PTH2R: variants seen among roughly 807,000 people sequenced by gnomAD.
The protein encoded by PTH2R is PTH2 receptor.
A neutral mutation model predicts 60.3 loss-of-function variants in PTH2R; 59 were observed. The observed-to-expected ratio is 0.98, with a 90% CI of 0.79 to 1.22. PTH2R has a LOEUF of 1.22. Among genes scored for constraint, PTH2R ranks in the 50% most tolerant of loss-of-function variants. PTH2R has a pLI of 0.00. For missense variants in PTH2R, 749 were observed against 682.6 expected (o/e 1.10, Z -1.08); for synonymous variants, 256 against 243.8 (o/e 1.05, Z -0.47).
intron 7 of PTH2R, 35 bp from the exon 8 acceptor site, chr2:208,450,714 A>T (rs1263970511): frequency 6.2e-7 from 1 of 1,606,664 alleles, no homozygotes; most frequent in Non-Finnish European, 8.5e-7. Context: ...TAATCTTAAA[A>T]TAAATCTAGT....
rs150377282 is a variant in PTH2R, at chr2:208,369,243, G to A, written c.-259+9006G>A. Reference sequence around the variant, plus strand: ...CCTCATAGCCTAACAGAAGCACATTGGAAGTGAAGATGTGCAGATGCCAAC... The same window carrying A: ...CCTCATAGCCTAACAGAAGCACATTAGAAGTGAAGATGTGCAGATGCCAAC... On this transcript the variant is annotated intron_variant, in intron 1 of 12. Transcript: ENST00000617735. Among the ~76,000 whole-genome samples, 382 of 152,166 alleles carry A rather than the reference G, an allele frequency of 2.5e-3. 2 individuals are homozygous for A. The highest frequency in any genetic ancestry group is 8.8e-3 in the African/African-American group (365 of 41,448).
At chr2:208,398,743 C>T (rs567294830) in intron 1 of PTH2R, among the ~76,000 whole-genome samples, 5 of 152,122 alleles carry the variant, frequency 3.3e-5, no homozygotes, top group Non-Finnish European at 7.4e-5. Flanking sequence ...CGATTTTGTG[C>T]TGTTTGAATC....
chr2:208,454,856 T>C (rs1702478618), intron 8 of PTH2R, among the ~76,000 whole-genome samples: 1 of 152,298 alleles, frequency 6.6e-6, no homozygotes. Flanking sequence ...TACTAGATAT[T>C]TCCTTCAGGA....
At chr2:208,474,177 A>G (rs1173382142) in intron 9 of PTH2R, among the ~76,000 whole-genome samples, 2 of 152,230 alleles carry the variant, frequency 1.3e-5, no homozygotes, top group East Asian at 3.8e-4. Flanking sequence ...GGATATTGTA[A>G]TATCTACTTC....
chr2:208,412,068 TC>T (rs1701550730), intron 1 of PTH2R, among the ~76,000 whole-genome samples: 1 of 152,242 alleles, frequency 6.6e-6, no homozygotes, highest in Non-Finnish European at 1.5e-5. Flanking sequence ...CATTTTCTCT[TC>T]CTTTTATTTC....
chr2:208,398,810 A>G (rs1432903771), intron 1 of PTH2R, among the ~76,000 whole-genome samples: 1 of 152,236 alleles, frequency 6.6e-6, no homozygotes. Context: ...CTGGAATTAT[A>G]AAATTAGACT....
chr2:208,377,079 C>G (rs913635554), intron 1 of PTH2R, among the ~76,000 whole-genome samples: 1 of 151,938 alleles, frequency 6.6e-6, no homozygotes, highest in Non-Finnish European at 1.5e-5. Context: ...TGACTCTTAA[C>G]GAGTCTGCTG....
At chr2:208,386,403 T>A (rs1029956446) in intron 1 of PTH2R, among the ~76,000 whole-genome samples, 2 of 152,248 alleles carry the variant, frequency 1.3e-5, no homozygotes, top group African/African-American at 4.8e-5. Context: ...TACTGTATCT[T>A]GACTGTATCT....
intron 9 of PTH2R, among the ~76,000 whole-genome samples, chr2:208,466,001 A>G (rs759285870): frequency 6.6e-6 from 1 of 152,192 alleles, no homozygotes; most frequent in African/African-American, 2.4e-5. Context: ...GGTGTGCATT[A>G]ATACTTTGTT....
chr2:208,434,455 A>G (rs1702034137), intron 2 of PTH2R, among the ~76,000 whole-genome samples: 1 of 152,178 alleles, frequency 6.6e-6, no homozygotes, highest in South Asian at 2.1e-4. Flanking sequence ...TTTTCTAAAA[A>G]TTGGGCAGCA....
At chr2:208,438,172 T>C (rs1007450030) in intron 4 of PTH2R, among the ~76,000 whole-genome samples, 1 of 152,178 alleles carries the variant, frequency 6.6e-6, no homozygotes, top group African/African-American at 2.4e-5. Flanking sequence ...TGCTATATTA[T>C]GAATAAAAAT....
chr2:208,493,308 C>T lies in PTH2R; in HGVS notation c.1302C>T (p.Ser434=), dbSNP rs376073838. The T allele has an allele frequency of 8.3e-5, 127 of 1,534,210 alleles. No homozygotes were observed. The highest frequency in any genetic ancestry group is 9.2e-5 in the Non-Finnish European group (105 of 1,138,042). Residue 434 remains serine (S), a synonymous_variant, in exon 13 of 13, where the codon TCC becomes TCT. Transcript: ENST00000272847. The part of the protein sequence containing the change: ...VKKMWSRWNL[S]VDWKRTPPCG... Reference sequence around the variant, plus strand: ...AGATGTGGAGTCGGTGGAACCTCTCCGTGGACTGGAAAAGGACACCGCCAT... The same window carrying T: ...AGATGTGGAGTCGGTGGAACCTCTCTGTGGACTGGAAAAGGACACCGCCAT...
At chr2:208,419,838 A>T (rs1327704177) in intron 1 of PTH2R, among the ~76,000 whole-genome samples, 1 of 152,174 alleles carries the variant, frequency 6.6e-6, no homozygotes. Flanking sequence ...ATGCTCACGT[A>T]TGTTTATTGC....
chr2:208,394,434 G>T (rs946077564), intron 1 of PTH2R, among the ~76,000 whole-genome samples: 5 of 152,324 alleles, frequency 3.3e-5, no homozygotes, highest in Admixed American at 6.5e-5. Flanking sequence ...ACAGTAGGGG[G>T]TGTCCCCCCC....
At chr2:208,406,298 T>C (rs1412468579), upstream of PTH2R, among the ~76,000 whole-genome samples, 1 of 152,048 alleles carries the variant, frequency 6.6e-6, no homozygotes, top group Non-Finnish European at 1.5e-5. Flanking sequence ...CAAAGCACAA[T>C]ACCACACAAA....
intron 1 of PTH2R, among the ~76,000 whole-genome samples, chr2:208,419,507 T>C (rs1435709928): frequency 6.6e-6 from 1 of 152,242 alleles, no homozygotes; most frequent in Non-Finnish European, 1.5e-5. Context: ...TCTTTTGCTG[T>C]GCAGAAGCTG....
intron 1 of PTH2R, among the ~76,000 whole-genome samples, chr2:208,408,618 C>T (rs1258837303): frequency 3.3e-5 from 5 of 151,536 alleles, no homozygotes; most frequent in Admixed American, 1.3e-4. Flanking sequence ...CCCAGGAGTT[C>T]GGGGCTGCTC....
intron 9 of PTH2R, among the ~76,000 whole-genome samples, chr2:208,467,890 T>G (rs758359865): frequency 6.6e-6 from 1 of 152,110 alleles, no homozygotes; most frequent in Non-Finnish European, 1.5e-5. Context: ...TACATACAAG[T>G]TTTCTAAGGT....
At chr2:208,437,718 T>G (rs1424078798) in intron 3 of PTH2R, 42 bp from the exon 4 acceptor site, 21 of 1,606,458 alleles carry the variant, frequency 1.3e-5, no homozygotes, top group Non-Finnish European at 1.7e-5. Flanking sequence ...TAATAGATTC[T>G]AAGGGAACTG....
Sources: gnomAD v4.1 joint callset for allele counts (sites outside exome capture counted in the v4.1 genomes callset) on GRCh38, gnomAD v4.1.1 for gene constraint, MANE v1.5 for transcripts, NCBI Gene and HGNC (gene_info 2026-07-23, HGNC 2026-07-21) for gene names.